Variants in GLIS3 observed in about 807,000 individuals in gnomAD.
GLIS3 encodes zinc finger protein GLIS3.
Under a neutral mutation model 78.6 loss-of-function variants are expected in GLIS3, and 53 were observed. The observed-to-expected ratio is 0.67, with a 90% CI of 0.54 to 0.85. The LOEUF (loss-of-function observed/expected upper bound fraction) is 0.85, where lower values mean the gene tolerates loss of function less well. Among genes scored for constraint, GLIS3 ranks in the 40% least tolerant of loss-of-function variants. GLIS3 has a pLI of 0.00. For synonymous variants in GLIS3, 684 were observed against 509.9 expected, an observed-to-expected ratio of 1.34 and a Z score of -4.60; for missense variants, 1,703 against 1,231.1, an observed-to-expected ratio of 1.38 and a Z score of -5.74.
intron 4 of GLIS3, among the ~76,000 whole-genome samples, chr9:3,940,325 G>A (rs944047690): frequency 2.6e-5 from 4 of 151,888 alleles, no homozygotes; most frequent in Non-Finnish European, 4.4e-5. Flanking sequence ...GTCTCACTTT[G>A]TAAACTGACA....
intron 4 of GLIS3, among the ~76,000 whole-genome samples, chr9:4,064,230 TAAA>T (rs1304772269): frequency 1.3e-5 from 2 of 151,950 alleles, no homozygotes; most frequent in African/African-American, 4.8e-5. Flanking sequence ...ATACAGTACA[TAAA>T]AATAAATTCT....
chr9:4,273,428 C>T (rs909091967), intron 2 of GLIS3, among the ~76,000 whole-genome samples: 2 of 151,912 alleles, frequency 1.3e-5, no homozygotes, highest in African/African-American at 4.8e-5. Flanking sequence ...GACCCCATCT[C>T]CACAGAAAAA....
intron 4 of GLIS3, among the ~76,000 whole-genome samples, chr9:4,108,692 T>C (rs1830967464): frequency 6.6e-6 from 1 of 152,148 alleles, no homozygotes; most frequent in African/African-American, 2.4e-5. Context: ...CAGGCCCCTA[T>C]TTAAAAATGA....
chr9:3,899,136 T>C (rs1410495807), intron 6 of GLIS3, among the ~76,000 whole-genome samples: 1 of 152,238 alleles, frequency 6.6e-6, no homozygotes, highest in African/African-American at 2.4e-5. Flanking sequence ...CTCCGTATCT[T>C]ATCAGAACTT....
At chr9:3,837,048 T>C (rs1818396324) in intron 9 of GLIS3, among the ~76,000 whole-genome samples, 1 of 152,184 alleles carries the variant, frequency 6.6e-6, no homozygotes, top group African/African-American at 2.4e-5. Context: ...AGTTGGAATA[T>C]TCCCACAGAA....
chr9:4,235,564 T>G (rs1822652872), intron 2 of GLIS3, among the ~76,000 whole-genome samples: 1 of 152,158 alleles, frequency 6.6e-6, no homozygotes, highest in African/African-American at 2.4e-5. Context: ...CCCCAGTTAC[T>G]CCTACCGGCT....
the GLIS3 span, among the ~76,000 whole-genome samples, chr9:4,483,043 T>C: frequency 1.3e-5 from 2 of 152,202 alleles, no homozygotes; most frequent in Admixed American, 6.5e-5. Context: ...TTCTTTCAAG[T>C]AGAGCTTGCA....
At chr9:3,958,079 C>A (rs867909060) in intron 4 of GLIS3, among the ~76,000 whole-genome samples, 2 of 152,300 alleles carry the variant, frequency 1.3e-5, no homozygotes, top group South Asian at 4.1e-4. Flanking sequence ...GACTGACTTT[C>A]CACCAGAATG....
chr9:4,260,257 C>G (rs1343513261), intron 2 of GLIS3, among the ~76,000 whole-genome samples: 2 of 152,034 alleles, frequency 1.3e-5, no homozygotes, highest in Admixed American at 6.5e-5. Context: ...ATGGTGAAAC[C>G]CTGTCTCTAC....
At chr9:3,957,211 G>T (rs1817177152) in intron 4 of GLIS3, among the ~76,000 whole-genome samples, 1 of 152,182 alleles carries the variant, frequency 6.6e-6, no homozygotes, top group Admixed American at 6.5e-5. Flanking sequence ...CAGTGGGTGT[G>T]GAGCCCTTTC....
intron 4 of GLIS3, among the ~76,000 whole-genome samples, chr9:4,101,010 C>T (rs1219565982): frequency 1.3e-5 from 2 of 152,156 alleles, no homozygotes; most frequent in South Asian, 2.1e-4. Flanking sequence ...CCCTGGAAAA[C>T]AGCAGAGTAT....
Position 3,898,808 on chromosome 9 carries a change from C to T in GLIS3, c.2011G>A (p.Asp671Asn). The T allele has an allele frequency of 6.2e-7, 1 of 1,614,112 alleles. No homozygotes were observed. Among genetic ancestry groups the T allele is most frequent in the African/African-American group, 1.3e-5 (1 of 75,022 alleles). The change falls in exon 7 of 11, where the codon GAC (aspartate) becomes AAC (asparagine). Residue 671 changes from aspartate to asparagine, a missense_variant. By Grantham distance (23) the Asp-to-Asn change is conservative (BLOSUM62 1). Coordinates refer to ENST00000381971, the MANE Select transcript of GLIS3 (RefSeq NM_001042413.2). ...KLRSSTELHP[D>N]LLTDCLTVQS... ...ACGGTGAGGCAATCTGTGAGCAGGT[C>T]TGGATGGAGCTCTGTGCTGGACCGC...
chr9:3,924,219 T>G (rs1825075486), intron 6 of GLIS3, among the ~76,000 whole-genome samples: 1 of 152,198 alleles, frequency 6.6e-6, no homozygotes. Context: ...GAATATTCAG[T>G]TCTTAGGAAG....
intron 2 of GLIS3, among the ~76,000 whole-genome samples, chr9:4,281,821 C>G (rs982120355): frequency 1.3e-5 from 2 of 152,176 alleles, no homozygotes; most frequent in African/African-American, 4.8e-5. Context: ...TTAAAACTGT[C>G]AACCTCCTCA....
At chr9:4,478,183 C>A in the GLIS3 span, among the ~76,000 whole-genome samples, 1 of 152,044 alleles carries the variant, frequency 6.6e-6, no homozygotes, top group African/African-American at 2.4e-5. Flanking sequence ...AACACGGATG[C>A]CAGAATGAAG....
intron 2 of GLIS3, among the ~76,000 whole-genome samples, chr9:4,235,230 C>T (rs1228025719): frequency 2.8e-5 from 4 of 142,192 alleles, no homozygotes; most frequent in Non-Finnish European, 3.0e-5. Flanking sequence ...ACCCGGGAGG[C>T]GGAGGTTGCA....
At chr9:4,460,032 AT>A in the GLIS3 span, among the ~76,000 whole-genome samples, 1 of 151,982 alleles carries the variant, frequency 6.6e-6, no homozygotes, top group African/African-American at 2.4e-5. Flanking sequence ...GTGGTGCTGA[AT>A]TGTCCATTCC....
At chr9:4,319,726 C>T (rs1478089539) in intron 2 of GLIS3, among the ~76,000 whole-genome samples, 1 of 152,106 alleles carries the variant, frequency 6.6e-6, no homozygotes, top group Non-Finnish European at 1.5e-5. Flanking sequence ...GACAGGGTCT[C>T]ACTATGTTGC....
the GLIS3 span, among the ~76,000 whole-genome samples, chr9:4,473,319 G>A: frequency 7.2e-5 from 11 of 152,066 alleles, no homozygotes; most frequent in Non-Finnish European, 7.4e-5. Flanking sequence ...GATGGTGGGC[G>A]CCTGGAATCC....
Sources: gnomAD v4.1 joint callset for allele counts (sites outside exome capture counted in the v4.1 genomes callset) on GRCh38, gnomAD v4.1.1 for gene constraint, MANE v1.5 for transcripts, NCBI Gene and HGNC (gene_info 2026-07-23, HGNC 2026-07-21) for gene names.